The following ERC1 variants were observed in gnomAD, a reference collection of about 807,000 sequenced individuals.
ERC1 encodes the protein ELKS/RAB6-interacting/CAST family member 1.
ERC1 carries 56 observed loss-of-function variants against 132.0 expected under a neutral mutation model. That is an observed-to-expected ratio of 0.42 (90% CI 0.34 to 0.53). The LOEUF (loss-of-function observed/expected upper bound fraction) is 0.53. ERC1 is among the 20% of genes least tolerant of loss of function. The pLI is 0.03. For missense variants in ERC1, 1,202 were observed against 1,349.9 expected (o/e 0.89, Z 1.72); for synonymous variants, 478 against 476.1 (o/e 1.00, Z -0.05).
intron 3 of ERC1, among the ~76,000 whole-genome samples, chr12:1,099,183 GTC>G (rs779227884): frequency 2.0e-5 from 3 of 152,156 alleles, no homozygotes; most frequent in Non-Finnish European, 4.4e-5. Context: ...AATCTTGTAT[GTC>G]TGAAATATTT....
chr12:1,196,943 CACACACACACACACACACATATATAT>C lies in ERC1; in HGVS notation c.2351+6893_2351+6918del, dbSNP rs1566214495. ...ACACACACACACACACACACACACA[CACACACACACACACACACATATATAT>C]ATATATATTTTTTTTTTTTTTTTTT... is the stretch of plus-strand genomic sequence containing the variant. On this transcript the variant is annotated intron_variant, in intron 12 of 18. Transcript: ENST00000360905. Among the ~76,000 whole-genome samples the C allele has an allele frequency of 9.0e-4, 38 of 42,268 alleles. 1 individual carries two copies. In the African/African-American group the frequency reaches 9.3e-3, roughly 10 times the overall value. 27.7% of individuals were successfully genotyped at this position (42,268 alleles called of 152,430 possible). A position where few individuals can be genotyped will look rare whatever the true frequency, so the allele number is the denominator to read the frequency against.
At chr12:1,032,645 C>A (rs77379385) in intron 2 of ERC1, among the ~76,000 whole-genome samples, 34 of 152,232 alleles carry the variant, frequency 2.2e-4, no homozygotes, top group African/African-American at 8.2e-4. Flanking sequence ...GTCTCTTCAC[C>A]TTGTGAATCA....
At chr12:1,213,042 A>G in intron 12 of ERC1, among the ~76,000 whole-genome samples, 1 of 152,248 alleles carries the variant, frequency 6.6e-6, no homozygotes, top group African/African-American at 2.4e-5. Context: ...CCTAAAGCTT[A>G]TTTTTTAGTT....
rs188491605 is a variant in ERC1, at chr12:1,189,279, C to G, written c.2158-580C>G. On this transcript the variant is annotated intron_variant, in intron 11 of 18. Coordinates refer to ENST00000360905, the MANE Select transcript of ERC1 (RefSeq NM_178040.4). ...ATATTATTTTGTAAATTCTCTAATC[C>G]TTGCATGAGGGAGGTACCTGTGTGA... Among the ~76,000 whole-genome samples, 370 of 152,274 alleles carry G rather than the reference C, an allele frequency of 2.4e-3. 1 individual carries two copies. Among genetic ancestry groups the G allele is most frequent in the African/African-American group, 7.8e-3 (323 of 41,540 alleles).
intron 12 of ERC1, among the ~76,000 whole-genome samples, chr12:1,194,896 A>G (rs74057288): frequency 0.032 from 4,343 of 136,072 alleles, 215 homozygotes; most frequent in African/African-American, 0.11. Context: ...TGGATTTACT[A>G]TATTTCCTGA....
intron 18 of ERC1, among the ~76,000 whole-genome samples, chr12:1,487,771 G>A (rs11610372): frequency 9.9e-5 from 4 of 40,430 alleles, no homozygotes; most frequent in African/African-American, 2.1e-4. Flanking sequence ...GAGGGAGGGA[G>A]GGAGGGAGGA....
intron 8 of ERC1, among the ~76,000 whole-genome samples, chr12:1,171,177 C>T (rs374893057): frequency 7.9e-5 from 12 of 152,082 alleles, no homozygotes; most frequent in African/African-American, 2.9e-4. Flanking sequence ...CTTTGCTGGG[C>T]TTATTGAGGA....
At chr12:1,356,212 AAGTGTGTGTGT>A (rs1206352507) in intron 15 of ERC1, among the ~76,000 whole-genome samples, 42 of 119,056 alleles carry the variant, frequency 3.5e-4, no homozygotes, top group Non-Finnish European at 5.8e-4. Flanking sequence ...AAAAAAAAAA[AAGTGTGTGTGT>A]GTGTGTGTGT....
At chr12:1,447,656 GT>G (rs1304308313) in intron 18 of ERC1, among the ~76,000 whole-genome samples, 1 of 150,440 alleles carries the variant, frequency 6.6e-6, no homozygotes, top group African/African-American at 2.4e-5. Context: ...TTTTGTTTTT[GT>G]TTTTGTTTTG....
At chr12:1,417,175 C>T (rs1000928321) in intron 17 of ERC1, among the ~76,000 whole-genome samples, 1 of 152,152 alleles carries the variant, frequency 6.6e-6, no homozygotes, top group Non-Finnish European at 1.5e-5. Flanking sequence ...CTCCTCTCCA[C>T]AAAGAAATTT....
chr12:1,218,696 G>A (rs1481310556), intron 12 of ERC1, among the ~76,000 whole-genome samples: 1 of 151,604 alleles, frequency 6.6e-6, no homozygotes, highest in African/African-American at 2.4e-5. Context: ...GTTTTCTTCT[G>A]GTATCTCTGA....
At chr12:1,093,584 T>A (rs1943529835) in intron 3 of ERC1, among the ~76,000 whole-genome samples, 1 of 152,206 alleles carries the variant, frequency 6.6e-6, no homozygotes, top group African/African-American at 2.4e-5. Flanking sequence ...CTTACTTAAA[T>A]GCTGGTATGC....
At chr12:1,198,181 G>T (rs1438067852) in intron 12 of ERC1, among the ~76,000 whole-genome samples, 1 of 152,108 alleles carries the variant, frequency 6.6e-6, no homozygotes, top group Non-Finnish European at 1.5e-5. Flanking sequence ...ATCTGCCTCT[G>T]CATCCCAAAG....
chr12:1,271,933 C>T (rs1216883623), intron 14 of ERC1, among the ~76,000 whole-genome samples: 1 of 152,122 alleles, frequency 6.6e-6, no homozygotes, highest in East Asian at 1.9e-4. Context: ...TGAGGGAAGT[C>T]GAGTCTGAGA....
chr12:1,051,862 C>A (rs1972067655), intron 2 of ERC1, among the ~76,000 whole-genome samples: 1 of 151,718 alleles, frequency 6.6e-6, no homozygotes, highest in African/African-American at 2.4e-5. Context: ...GTTTTCTGTT[C>A]TTGATGAATA....
chr12:1,331,734 G>A (rs2082879876), intron 15 of ERC1, among the ~76,000 whole-genome samples: 1 of 152,190 alleles, frequency 6.6e-6, no homozygotes, highest in African/African-American at 2.4e-5. Flanking sequence ...CAGGAGGAGT[G>A]AGAGTTCTAG....
At chr12:1,269,338 C>G (rs924320889) in intron 14 of ERC1, among the ~76,000 whole-genome samples, 7 of 152,198 alleles carry the variant, frequency 4.6e-5, no homozygotes, top group Non-Finnish European at 1.0e-4. Flanking sequence ...GTGAAAGCGG[C>G]TTTGTCCTGG....
chr12:1,264,521 G>A lies in ERC1; in HGVS notation c.2619+1356G>A, dbSNP rs556781322. On this transcript the variant is annotated intron_variant, in intron 14 of 18. Transcript: ENST00000360905. ...CTACTAAAAATACAAAAAATTAGCT[G>A]GGCGTGGTGGCGGGCGCCTGTAGTC... 3.9e-3 allele frequency among the ~76,000 whole-genome samples: 589 copies of A among 152,142 alleles called. 5 individuals carry two copies. Among genetic ancestry groups the A allele is most frequent in the African/African-American group, 0.013 (552 of 41,520 alleles).
rs534120592 is a variant in ERC1, at chr12:1,312,809, T to G, written c.2780+22797T>G. 2.0e-5 allele frequency among the ~76,000 whole-genome samples: 3 copies of G among 152,346 alleles called. No individual in the cohort carries two copies. The East Asian group carries it at 5.8e-4, about 29-fold the overall frequency. The stretch of plus-strand genomic sequence containing the variant: ...TGAGTTGGTCATTTCTTTCATGAGT[T>G]GAGCTTGTTTTTAAAAGTTCTACTT... On this transcript the variant is annotated intron_variant, in intron 15 of 18. Transcript: ENST00000360905.
Sources: gnomAD v4.1 joint callset for allele counts (sites outside exome capture counted in the v4.1 genomes callset) on GRCh38, gnomAD v4.1.1 for gene constraint, MANE v1.5 for transcripts, NCBI Gene and HGNC (gene_info 2026-07-23, HGNC 2026-07-21) for gene names.